SNAPC3: variants seen among roughly 807,000 people sequenced by gnomAD.
SNAPC3 encodes small nuclear RNA activating complex polypeptide 3.
A neutral mutation model predicts 47.7 loss-of-function variants in SNAPC3; 56 were observed. That is an observed-to-expected ratio of 1.18 (90% CI 0.95 to 1.47). SNAPC3 has a LOEUF of 1.47. Among genes scored for constraint, SNAPC3 ranks in the 40% most tolerant of loss-of-function variants. The pLI is 0.00. For synonymous variants in SNAPC3, 235 were observed against 189.9 expected (o/e 1.24, Z -1.95); for missense variants, 665 against 511.3 (o/e 1.30, Z -2.90).
chr9:15,446,606 G>A (rs1398928415), intron 4 of SNAPC3, among the ~76,000 whole-genome samples: 1 of 152,128 alleles, frequency 6.6e-6, no homozygotes, highest in African/African-American at 2.4e-5. Flanking sequence ...TTAGAGGAGG[G>A]GGCACACCAT....
chr9:15,459,632 A>G (rs774618498), intron 8 of SNAPC3, 87 bp from the exon 9 acceptor site: 11 of 1,009,624 alleles, frequency 1.1e-5, no homozygotes, highest in Non-Finnish European at 1.4e-5. Context: ...ATAGAATGTT[A>G]TATTTACATA....
Position 15,440,552 on chromosome 9 carries a change from A to G in SNAPC3, c.478-4050A>G, listed in dbSNP as rs949290260. Among the ~76,000 whole-genome samples, 107 of 152,312 alleles carry G rather than the reference A, an allele frequency of 7.0e-4. 1 individual carries two copies. The highest frequency in any genetic ancestry group is 2.3e-3 in the African/African-American group (97 of 41,564). On this transcript the variant is annotated intron_variant, in intron 3 of 8. Transcript: ENST00000380821. Reference sequence around the variant, plus strand: ...AAGTAAAAAAATTTAAAAGCTGAACACAGTGGTGGGTTCCCATAGTCTCAG... The same window carrying G: ...AAGTAAAAAAATTTAAAAGCTGAACGCAGTGGTGGGTTCCCATAGTCTCAG...
In SNAPC3 at chr9:15,423,053, C is replaced by A; in HGVS notation, c.174C>A (p.Ala58=). 6.6e-7 allele frequency: 1 copy of A among 1,517,060 alleles called. No individual in the cohort carries two copies. The highest frequency in any genetic ancestry group is 8.8e-7 in the Non-Finnish European group (1 of 1,140,440). 94.0% of individuals were successfully genotyped at this position (1,517,060 alleles called of 1,614,324 possible). Reference sequence around the variant, plus strand: ...TGTGGCGGGGCCGTCTGCGCGGGGCCGGGGACTTGTCGCTGAGGGAGCCGC... The same window carrying A: ...TGTGGCGGGGCCGTCTGCGCGGGGCAGGGGACTTGTCGCTGAGGGAGCCGC... ...GELWRGRLRG[A]GDLSLREPPA... is the part of the protein sequence containing the mutation. The change falls in exon 1 of 9, where the codon GCC becomes GCA. Residue 58 remains alanine (A), a synonymous_variant. Coordinates refer to ENST00000380821, the MANE Select transcript of SNAPC3 (RefSeq NM_001039697.2).
At chr9:15,448,548 AGTAT>A (rs2034121317) in intron 5 of SNAPC3, among the ~76,000 whole-genome samples, 3 of 152,110 alleles carry the variant, frequency 2.0e-5, no homozygotes, top group Non-Finnish European at 1.5e-5. Context: ...TGTCCATTGT[AGTAT>A]GTATTTCAGT....
chr9:15,431,182 C>T (rs1312182655), intron 2 of SNAPC3, among the ~76,000 whole-genome samples: 1 of 152,168 alleles, frequency 6.6e-6, no homozygotes, highest in Non-Finnish European at 1.5e-5. Flanking sequence ...CCTGCCAACC[C>T]CATTTCCCTC....
chr9:15,458,149 G>C, intron 8 of SNAPC3, 82 bp downstream of exon 8: 1 of 703,330 alleles, frequency 1.4e-6, no homozygotes, highest in Non-Finnish European at 2.3e-6. Context: ...TTGGATCTAA[G>C]AATATTTGTA....
chr9:15,429,371 G>C (rs2031854588), intron 2 of SNAPC3, among the ~76,000 whole-genome samples: 1 of 152,166 alleles, frequency 6.6e-6, no homozygotes, highest in Non-Finnish European at 1.5e-5. Flanking sequence ...CCAACCAATT[G>C]ATGACTGGAA....
intron 7 of SNAPC3, among the ~76,000 whole-genome samples, chr9:15,454,741 T>G (rs1301235448): frequency 6.6e-6 from 1 of 152,078 alleles, no homozygotes; most frequent in Non-Finnish European, 1.5e-5. Flanking sequence ...ATCGAGACCA[T>G]GCTGGCTAAC....
At chr9:15,465,024 GGAGT>G (rs1431528509), downstream of SNAPC3, 1 of 220,724 alleles carries the variant, frequency 4.5e-6, no homozygotes, top group African/African-American at 2.2e-5. Flanking sequence ...TGATAAAAAG[GGAGT>G]GAGTACTTGT....
Position 15,423,984 on chromosome 9 carries a change from G to A in SNAPC3, c.390G>A (p.Leu130=). 1 of 1,545,732 alleles carries A rather than the reference G, an allele frequency of 6.5e-7. No homozygotes were observed. The highest frequency in any genetic ancestry group is 8.7e-7 in the Non-Finnish European group (1 of 1,143,502). Residue 130 remains leucine, a splice_region_variant and synonymous_variant, in exon 2 of 9, where the codon TTG becomes TTA. Transcript: ENST00000380821. ...VIPENTDLVT[L]GVRKRFLEHR... ...CGGAGAATACTGACCTGGTGACTTTGGGGTATGGAGGACTTGGTTTTTATG... is the reference window on the plus strand; with the variant it reads ...CGGAGAATACTGACCTGGTGACTTTAGGGTATGGAGGACTTGGTTTTTATG...
intron 2 of SNAPC3, among the ~76,000 whole-genome samples, chr9:15,432,364 TC>T (rs1261655022): frequency 2.6e-5 from 4 of 152,048 alleles, no homozygotes; most frequent in African/African-American, 7.3e-5. Flanking sequence ...AAGCAGTGAC[TC>T]CAGTAACAAT....
In SNAPC3 at chr9:15,423,205, G is replaced by A. The variant is rs750731788; in HGVS notation, c.314+12G>A. 8.9e-6 allele frequency: 14 copies of A among 1,570,652 alleles called. No individual in the cohort carries two copies. The highest frequency in any genetic ancestry group is 1.2e-5 in the South Asian group (1 of 86,668). On this transcript the variant is annotated intron_variant, in intron 1 of 8. Coordinates refer to ENST00000380821, the MANE Select transcript of SNAPC3 (RefSeq NM_001039697.2). ...AGGGCGGTGTGCGGGTGAGTGCGGA[G>A]CAAAGGGGCTCTTGCAGCTTGGGGT...
downstream of SNAPC3, chr9:15,463,036 A>C (rs1352088553): frequency 1.3e-5 from 2 of 151,962 alleles, no homozygotes; most frequent in African/African-American, 2.4e-5. Context: ...GTATCAGCAA[A>C]ATCTATCATA....
intron 1 of SNAPC3, 114 bp downstream of exon 1, chr9:15,423,307 A>T (rs1047650748): frequency 9.1e-7 from 1 of 1,104,228 alleles, no homozygotes; most frequent in Non-Finnish European, 1.2e-6. Context: ...GACCTGGGCT[A>T]GGAGTATTAC....
downstream of SNAPC3, chr9:15,465,506 C>T (rs770406689): frequency 6.5e-7 from 1 of 1,527,534 alleles, no homozygotes; most frequent in South Asian, 1.2e-5. Context: ...TCTCTATATT[C>T]CAGGTATGTC....
chr9:15,458,523 TTACA>T (rs1364551738), intron 8 of SNAPC3, among the ~76,000 whole-genome samples: 3 of 152,268 alleles, frequency 2.0e-5, no homozygotes, highest in African/African-American at 7.2e-5. Context: ...TCCACATAGT[TTACA>T]TAATCAGCTT....
intron 5 of SNAPC3, among the ~76,000 whole-genome samples, chr9:15,450,360 A>G (rs1276804036): frequency 2.0e-5 from 3 of 152,216 alleles, no homozygotes; most frequent in African/African-American, 7.2e-5. Flanking sequence ...GGAAGCTTCA[A>G]AGAACTAGGA....
At chr9:15,450,979 A>T (rs2034342408) in intron 5 of SNAPC3, among the ~76,000 whole-genome samples, 1 of 152,250 alleles carries the variant, frequency 6.6e-6, no homozygotes, top group African/African-American at 2.4e-5. Context: ...CCAGAAAAAC[A>T]TAGCTCGATG....
chr9:15,458,663 TAAA>T (rs545402005), intron 8 of SNAPC3, among the ~76,000 whole-genome samples: 2 of 149,460 alleles, frequency 1.3e-5, no homozygotes, highest in Non-Finnish European at 1.5e-5. Context: ...TGTGGGTCAG[TAAA>T]AAAAAAATTT....
Sources: gnomAD v4.1 joint callset for allele counts (sites outside exome capture counted in the v4.1 genomes callset) on GRCh38, gnomAD v4.1.1 for gene constraint, MANE v1.5 for transcripts, NCBI Gene and HGNC (gene_info 2026-07-23, HGNC 2026-07-21) for gene names.